DEPDC5: variants seen among roughly 807,000 people sequenced by gnomAD.
DEPDC5 encodes the protein DEP domain containing 5, GATOR1 subcomplex subunit, also known as GATOR1 complex protein DEPDC5.
A neutral mutation model predicts 217.3 loss-of-function variants in DEPDC5; 73 were observed. The ratio of observed to expected loss-of-function variants is 0.34; its 90% CI spans 0.28 to 0.41. DEPDC5 has a LOEUF of 0.41. DEPDC5 is among the 10% of genes least tolerant of loss of function. The pLI, the probability that DEPDC5 is intolerant of heterozygous loss-of-function variation, is 1.00. For synonymous variants in DEPDC5, 733 were observed against 756.7 expected (o/e 0.97, Z 0.51); for missense variants, 1,675 against 2,070.1 (o/e 0.81, Z 3.70).
intron 14 of DEPDC5, among the ~76,000 whole-genome samples, chr22:31,802,370 T>C (rs902015993): frequency 1.3e-5 from 2 of 152,078 alleles, no homozygotes; most frequent in Non-Finnish European, 2.9e-5. Flanking sequence ...TTTCAAGTGA[T>C]CCGCCTGCTT....
chr22:31,855,895 C>T (rs149783210), intron 31 of DEPDC5, among the ~76,000 whole-genome samples: 236 of 152,120 alleles, frequency 1.6e-3, no homozygotes, highest in African/African-American at 5.5e-3. Flanking sequence ...TATGTGATTA[C>T]TTCTCATTGA....
At chr22:31,835,994 A>G (rs1331203586) in intron 25 of DEPDC5, among the ~76,000 whole-genome samples, 1 of 152,264 alleles carries the variant, frequency 6.6e-6, no homozygotes, top group Non-Finnish European at 1.5e-5. Context: ...ACTTAGAGAC[A>G]AACGCTCAGA....
chr22:31,854,662 G>A (rs985661522), intron 31 of DEPDC5, among the ~76,000 whole-genome samples: 1 of 152,176 alleles, frequency 6.6e-6, no homozygotes, highest in African/African-American at 2.4e-5. Context: ...TGGGCCTCCA[G>A]GCAGAAGTGC....
chr22:31,879,067 T>TACACAC (rs1190686323), intron 37 of DEPDC5, among the ~76,000 whole-genome samples: 160 of 133,928 alleles, frequency 1.2e-3, no homozygotes, highest in African/African-American at 4.0e-3. Flanking sequence ...TATATATATA[T>TACACAC]ACACACACAC....
At chr22:31,791,139 A>G (rs2085584517) in intron 10 of DEPDC5, among the ~76,000 whole-genome samples, 1 of 152,054 alleles carries the variant, frequency 6.6e-6, no homozygotes. Context: ...GACAGTCACC[A>G]TTACTTAATG....
chr22:31,797,489 G>C, intron 12 of DEPDC5, 111 bp from the exon 13 acceptor site: 1 of 815,460 alleles, frequency 1.2e-6, no homozygotes, highest in Non-Finnish European at 2.1e-6. Flanking sequence ...CTCCCACCAG[G>C]TTCCTCCCTC....
intron 38 of DEPDC5, 102 bp downstream of exon 38, chr22:31,879,854 G>C: frequency 8.6e-7 from 1 of 1,168,338 alleles, no homozygotes; most frequent in Non-Finnish European, 1.2e-6. Context: ...CAGGATTAGA[G>C]TCGCTGAGGC....
At chr22:31,843,838 A>G in intron 29 of DEPDC5, 26 bp downstream of exon 29, 2 of 1,570,474 alleles carry the variant, frequency 1.3e-6, no homozygotes, top group South Asian at 1.2e-5. Flanking sequence ...TTGGATTTCC[A>G]TCTTTGCATC....
intron 10 of DEPDC5, among the ~76,000 whole-genome samples, chr22:31,790,141 G>T (rs191498544): frequency 6.6e-6 from 1 of 152,270 alleles, no homozygotes; most frequent in Admixed American, 6.5e-5. Context: ...GTCAGTGAAG[G>T]TCTGCTGTTT....
intron 33 of DEPDC5, among the ~76,000 whole-genome samples, chr22:31,866,720 A>T (rs189034404): frequency 4.6e-4 from 70 of 152,260 alleles, no homozygotes; most frequent in African/African-American, 1.6e-3. Context: ...CACAGCCTTG[A>T]GGAGTCCTGG....
intron 10 of DEPDC5, among the ~76,000 whole-genome samples, chr22:31,789,083 G>A (rs765016106): frequency 7.9e-5 from 12 of 151,742 alleles, no homozygotes; most frequent in Non-Finnish European, 1.6e-4. Flanking sequence ...TTTTAGTAGT[G>A]ATGTGGTTTC....
intron 10 of DEPDC5, 50 bp from the exon 11 acceptor site, chr22:31,791,983 T>A (rs1171059398): frequency 4.4e-6 from 5 of 1,137,200 alleles, no homozygotes; most frequent in Admixed American, 3.7e-5. Flanking sequence ...TGCTTCATAG[T>A]GAAGTAAATG....
At chr22:31,819,662 G>T in intron 22 of DEPDC5, among the ~76,000 whole-genome samples, 1 of 151,686 alleles carries the variant, frequency 6.6e-6, no homozygotes, top group South Asian at 2.1e-4. Flanking sequence ...TAGAGACAGG[G>T]TTTCACCATG....
chr22:31,758,082 T>C (rs779456448), intron 2 of DEPDC5, among the ~76,000 whole-genome samples: 4 of 152,180 alleles, frequency 2.6e-5, no homozygotes, highest in Non-Finnish European at 5.9e-5. Context: ...GTTATTTTCT[T>C]ACTCCTGTTA....
rs1054663967 is a variant in DEPDC5, at chr22:31,804,858, C to T, written c.1160C>T (p.Ala387Val). ...VPLFKLHNRSAPRDSRLGDDY... is the reference protein window; with the variant it reads ...VPLFKLHNRSVPRDSRLGDDY... The stretch of plus-strand genomic sequence containing the variant: ...TCCTTGCAGCTCCATAATCGGAGTG[C>T]TCCCCGTGATTCTCGTCTGGGCGAT... Residue 387 changes from alanine (A) to valine (V), a missense_variant, in exon 17 of 43, where the codon GCT (alanine) becomes GTT (valine). Ala to Val is a moderately conservative substitution (Grantham distance 64, BLOSUM62 0). This residue lies in a region of DEPDC5 where 628 missense variants were observed against 762.1 expected (regional missense o/e 0.82). Transcript: ENST00000651528. The T allele has an allele frequency of 2.5e-6, 4 of 1,613,978 alleles. No homozygotes were observed. The highest frequency in any genetic ancestry group is 2.2e-5 in the East Asian group (1 of 44,866).
intron 32 of DEPDC5, chr22:31,858,508 A>G (rs527776248): frequency 4.7e-4 from 71 of 152,252 alleles, no homozygotes; most frequent in African/African-American, 1.5e-3. Flanking sequence ...GATTCAATAC[A>G]TATATGTTAT....
chr22:31,759,189 C>T (rs919301773), intron 3 of DEPDC5, among the ~76,000 whole-genome samples: 1 of 151,958 alleles, frequency 6.6e-6, no homozygotes, highest in Non-Finnish European at 1.5e-5. Context: ...GCCTTGGCCT[C>T]CCAATGTGCT....
At chr22:31,760,563 C>A in intron 3 of DEPDC5, 93 bp from the exon 4 acceptor site, 1 of 1,091,644 alleles carries the variant, frequency 9.2e-7, no homozygotes, top group Non-Finnish European at 1.4e-6. Context: ...CACAGAATGG[C>A]CAGAGTGACC....
intron 6 of DEPDC5, 35 bp from the exon 7 acceptor site, chr22:31,768,779 T>A: frequency 2.3e-5 from 33 of 1,404,622 alleles, no homozygotes; most frequent in Non-Finnish European, 3.2e-5. Flanking sequence ...TCTCCCTCCC[T>A]CCCTCTCTCT....
Sources: allele counts gnomAD v4.1 joint callset (sites outside exome capture counted in the v4.1 genomes callset), GRCh38; gene constraint gnomAD v4.1.1; regional missense constraint gnomAD v4.1.1; transcripts MANE v1.5; gene names NCBI Gene and HGNC (gene_info 2026-07-23, HGNC 2026-07-21).